LAMC3: variants seen among roughly 807,000 people sequenced by gnomAD.
The protein encoded by LAMC3 is laminin subunit gamma 3.
In LAMC3, 128 loss-of-function variants were observed where a neutral mutation model predicts 173.8. The ratio of observed to expected loss-of-function variants is 0.74; its 90% confidence interval spans 0.64 to 0.85. The LOEUF (loss-of-function observed/expected upper bound fraction) is 0.85, where lower values mean the gene tolerates loss of function less well. Ranked by LOEUF, LAMC3 falls within the 40% of genes least tolerant of loss-of-function variation. The probability of loss-of-function intolerance (pLI) is 0.00; values close to 1 mark genes in which losing one functional copy is unlikely to be tolerated. For synonymous variants in LAMC3, 897 were observed against 909.1 expected, an observed-to-expected ratio of 0.99 and a Z score of 0.24; for missense variants, 2,022 against 2,156.0, an observed-to-expected ratio of 0.94 and a Z score of 1.23.
chr9:131,061,008 G>A, intron 12 of LAMC3, 27 bp from the exon 13 acceptor site: 1 of 1,612,960 alleles, frequency 6.2e-7, no homozygotes, highest in Non-Finnish European at 8.5e-7. Context: ...TCTGGGTTCA[G>A]ACAGTGGTGC....
At chr9:131,049,177 CCTGCTGCTAAACAA>C in intron 9 of LAMC3, 47 bp downstream of exon 9, 3 of 1,106,836 alleles carry the variant, frequency 2.7e-6, no homozygotes, top group Non-Finnish European at 4.1e-6. Context: ...GTCGGTTCCT[CCTGCTGCTAAACAA>C]CTTGCCGCAT....
chr9:131,053,423 C>CA (rs1433804265), intron 11 of LAMC3, among the ~76,000 whole-genome samples: 10 of 152,218 alleles, frequency 6.6e-5, no homozygotes, highest in Middle Eastern at 3.2e-3. Context: ...AAGAGGGGGC[C>CA]AAGCCATCAC....
chr9:131,042,837 A>T (rs1834080036), intron 7 of LAMC3, among the ~76,000 whole-genome samples: 1 of 151,658 alleles, frequency 6.6e-6, no homozygotes. Context: ...CTAATGGCAT[A>T]CCCATGGCAG....
At chr9:131,080,602 G>A (rs1487632966) in intron 23 of LAMC3, among the ~76,000 whole-genome samples, 1 of 152,114 alleles carries the variant, frequency 6.6e-6, no homozygotes. Flanking sequence ...TTTAAAGACA[G>A]GATAAGGGGG....
chr9:131,067,321 G>A (rs1829957907), intron 14 of LAMC3, 116 bp downstream of exon 14: 2 of 1,313,118 alleles, frequency 1.5e-6, no homozygotes, highest in Non-Finnish European at 2.2e-6. Flanking sequence ...TGGCTCCTCT[G>A]CAAGGCTGTC....
At position 131,093,633 on chromosome 9, in the gene LAMC3, G is replaced by A. The variant is rs895259265; in HGVS notation, c.*1846G>A. 3 of 152,258 alleles carry A rather than the reference G, an allele frequency of 2.0e-5. No individual in the cohort carries two copies. Among genetic ancestry groups the A allele is most frequent in the Non-Finnish European group, 4.4e-5 (3 of 68,090 alleles). 9.4% of individuals were successfully genotyped at this position (152,258 alleles called of 1,614,324 possible). A position where few individuals can be genotyped will look rare whatever the true frequency, so the allele number is the denominator to read the frequency against. ...TCCTGAGGTGGTTTCAGCAGAAAAGGGGTGTTGGGAGGGTCGCTTGGAACC... is the reference window on the plus strand; with the variant it reads ...TCCTGAGGTGGTTTCAGCAGAAAAGAGGTGTTGGGAGGGTCGCTTGGAACC... On this transcript the variant is annotated 3_prime_UTR_variant, in exon 28 of 28. Coordinates refer to ENST00000361069, the MANE Select transcript of LAMC3 (RefSeq NM_006059.4).
In LAMC3 at chr9:131,068,982, G is replaced by T. The variant is rs1292327769; in HGVS notation, c.2822G>T (p.Gly941Val). The T allele has an allele frequency of 6.2e-7, 1 of 1,614,056 alleles. No individual in the cohort carries two copies. Among genetic ancestry groups the T allele is most frequent in the African/African-American group, 1.3e-5 (1 of 75,046 alleles). ...ACTGGACAGTGCACCTGCCGCCCAG[G>T]TGTCACAGGCCAGGCCTGTGACAGG... ...PKTGQCTCRPGVTGQACDRCQ... is the reference protein window; with the variant it reads ...PKTGQCTCRPVVTGQACDRCQ... Residue 941 changes from glycine (G) to valine (V), a missense_variant, in exon 16 of 28, where the codon GGT (glycine) becomes GTT (valine). Gly to Val is a moderately radical substitution (Grantham distance 109, BLOSUM62 -3). Coordinates refer to ENST00000361069, the MANE Select transcript of LAMC3 (RefSeq NM_006059.4).
intron 4 of LAMC3, among the ~76,000 whole-genome samples, chr9:131,037,413 C>T (rs951685458): frequency 1.2e-4 from 19 of 152,196 alleles, no homozygotes; most frequent in African/African-American, 3.9e-4. Flanking sequence ...CCATTGCAGC[C>T]GATGCCTTGG....
intron 2 of LAMC3, among the ~76,000 whole-genome samples, chr9:131,027,811 T>G (rs578048406): frequency 6.6e-6 from 1 of 152,278 alleles, no homozygotes; most frequent in Non-Finnish European, 1.5e-5. Flanking sequence ...GTCCTTGTCC[T>G]CACGGTAGAG....
Position 131,077,343 on chromosome 9 carries a change from A to T in LAMC3, c.3777+9A>T. 6.2e-7 allele frequency: 1 copy of T among 1,613,444 alleles called. No individual in the cohort carries two copies. Among genetic ancestry groups the T allele is most frequent in the Non-Finnish European group, 8.5e-7 (1 of 1,179,994 alleles). Reference sequence around the variant, plus strand: ...CTTCCCCGGGAGCTCTGGTCAGCTCAGTTGTCTCAGAGCTCCGTGTGGGGT... The same window carrying T: ...CTTCCCCGGGAGCTCTGGTCAGCTCTGTTGTCTCAGAGCTCCGTGTGGGGT... On this transcript the variant is annotated intron_variant, in intron 22 of 27. Transcript: ENST00000361069.
intron 6 of LAMC3, among the ~76,000 whole-genome samples, chr9:131,040,684 C>T (rs1191455770): frequency 1.3e-5 from 2 of 152,126 alleles, no homozygotes. Context: ...GGTGCCACAC[C>T]TCCCACCCCT....
At chr9:131,019,680 AC>A (rs1167628599) in intron 1 of LAMC3, among the ~76,000 whole-genome samples, 1 of 152,170 alleles carries the variant, frequency 6.6e-6, no homozygotes, top group Non-Finnish European at 1.5e-5. Flanking sequence ...GAGCAGAAGG[AC>A]TTCCTCAGTG....
rs557822518 is a variant in LAMC3 at position 131,009,565 on chromosome 9, G to A, written c.351G>A (p.Ser117=). 3.8e-6 allele frequency: 6 copies of A among 1,572,340 alleles called. No individual in the cohort carries two copies. In the African/African-American group the frequency reaches 4.1e-5, roughly 11 times the overall value. Residue 117 remains serine (S), a synonymous_variant, in exon 1 of 28, where the codon TCG becomes TCA. Coordinates refer to ENST00000361069, the MANE Select transcript of LAMC3 (RefSeq NM_006059.4). This position sits in a 1 kb window ranked among gnomAD's most constrained non-coding sequence, Gnocchi z 4.3. ...SMAFGVQYPT[S]VNITLRLGKA... is the part of the protein sequence containing the mutation. ...CCTTCGGCGTGCAGTACCCCACCTC[G>A]GTCAACATCACCCTCCGCCTAGGTA...
intron 8 of LAMC3, among the ~76,000 whole-genome samples, chr9:131,046,874 C>A: frequency 7.4e-6 from 1 of 135,002 alleles, no homozygotes; most frequent in South Asian, 2.5e-4. Context: ...TCAGGGCCGA[C>A]GCTGGGGCGG....
At chr9:131,079,021 T>G (rs1830186113) in intron 22 of LAMC3, 128 bp from the exon 23 acceptor site, 1 of 1,195,326 alleles carries the variant, frequency 8.4e-7, no homozygotes, top group African/African-American at 1.5e-5. Context: ...TTCAGGGGGC[T>G]TGGGTTCTTG....
chr9:131,079,348 C>G, intron 23 of LAMC3, 50 bp downstream of exon 23: 2 of 1,607,990 alleles, frequency 1.2e-6, no homozygotes, highest in Non-Finnish European at 1.7e-6. Context: ...TTGGGGCTAC[C>G]CTGAAGGTGA....
chr9:131,070,662 G>T (rs1192854003), intron 17 of LAMC3, among the ~76,000 whole-genome samples: 2 of 151,984 alleles, frequency 1.3e-5, no homozygotes, highest in Non-Finnish European at 2.9e-5. Flanking sequence ...AGGGAGCCAA[G>T]ATCATGACTG....
In LAMC3 at chr9:131,042,120, G is replaced by A. The variant is rs1179357618; in HGVS notation, c.1382+385G>A. Among the ~76,000 whole-genome samples, 5 of 151,440 alleles carry A rather than the reference G, an allele frequency of 3.3e-5. No homozygotes were observed. The East Asian group carries it at 9.8e-4, about 30-fold the overall frequency. On this transcript the variant is annotated intron_variant, in intron 7 of 27. Coordinates refer to ENST00000361069, the MANE Select transcript of LAMC3 (RefSeq NM_006059.4). ...AATGGAGCACTATCACAGGCCTCCCGTTTCACACTCACTGCAGACATAGCT... is the reference window on the plus strand; with the variant it reads ...AATGGAGCACTATCACAGGCCTCCCATTTCACACTCACTGCAGACATAGCT...
chr9:131,012,838 G>A (rs1833447186), intron 1 of LAMC3, among the ~76,000 whole-genome samples: 1 of 152,250 alleles, frequency 6.6e-6, no homozygotes, highest in South Asian at 2.1e-4. Flanking sequence ...AATGGGGTGA[G>A]GGGCAGGGAA....
Sources: gnomAD v4.1 joint callset for allele counts (sites outside exome capture counted in the v4.1 genomes callset) on GRCh38, gnomAD v4.1.1 for gene constraint, Gnocchi (gnomAD v3.1) non-coding constraint, MANE v1.5 for transcripts, NCBI Gene and HGNC (gene_info 2026-07-23, HGNC 2026-07-21) for gene names.